Variants in FNDC1 observed in about 807,000 individuals in gnomAD.
The protein encoded by FNDC1 is fibronectin type III domain containing 1, also known as fibronectin type III domain-containing protein 1.
A neutral mutation model predicts 168.0 loss-of-function variants in FNDC1; 96 were observed. The ratio of observed to expected loss-of-function variants is 0.57; its 90% CI spans 0.48 to 0.68. FNDC1 has a LOEUF of 0.68. Among genes scored for constraint, FNDC1 ranks in the 30% least tolerant of loss-of-function variants. The pLI, the probability that FNDC1 is intolerant of heterozygous loss-of-function variation, is 0.00. For synonymous variants in FNDC1, 1,099 were observed against 1,025.9 expected (o/e 1.07, Z -1.36); for missense variants, 2,587 against 2,482.1 (o/e 1.04, Z -0.90).
At chr6:159,221,368 T>TA (rs1043961985) in intron 5 of FNDC1, among the ~76,000 whole-genome samples, 1 of 152,224 alleles carries the variant, frequency 6.6e-6, no homozygotes, top group East Asian at 1.9e-4. Context: ...GAATTACTGG[T>TA]AAAAAATCAG....
At chr6:159,228,544 C>CTT (rs151140978) in intron 9 of FNDC1, among the ~76,000 whole-genome samples, 26 of 150,998 alleles carry the variant, frequency 1.7e-4, no homozygotes, top group African/African-American at 3.4e-4. Context: ...TTGGTTGAAA[C>CTT]GTTTTTTTTT....
chr6:159,201,744 CT>C (rs1317451718), intron 4 of FNDC1, among the ~76,000 whole-genome samples: 1 of 152,216 alleles, frequency 6.6e-6, no homozygotes, highest in Non-Finnish European at 1.5e-5. Flanking sequence ...TTGTTTACCT[CT>C]GAACACACAC....
chr6:159,269,185 C>CGTATGT (rs1562315595), intron 22 of FNDC1, among the ~76,000 whole-genome samples: 5 of 124,320 alleles, frequency 4.0e-5, no homozygotes, highest in Non-Finnish European at 8.5e-5. Context: ...TGTATGTATC[C>CGTATGT]ATCCATTATC....
intron 18 of FNDC1, 90 bp from the exon 19 acceptor site, chr6:159,261,100 G>A (rs1327830068): frequency 5.4e-6 from 5 of 917,694 alleles, no homozygotes; most frequent in South Asian, 1.4e-5. Context: ...AGCCTGTCAC[G>A]GTTCAGGTGT....
Position 159,269,301 on chromosome 6 carries a change from C to CT in FNDC1, c.5569+1375_5569+1376insT, listed in dbSNP as rs1562315864. On this transcript the variant is annotated intron_variant, in intron 22 of 22. Coordinates refer to ENST00000297267, the MANE Select transcript of FNDC1 (RefSeq NM_032532.3). ...CTATCTATCTATCTATCCATCCATC[C>CT]ATCTATCCTATCTATTTATCTAACT... 6.1e-4 allele frequency among the ~76,000 whole-genome samples: 50 copies of CT among 82,144 alleles called. 2 individuals are homozygous for CT. The highest frequency in any genetic ancestry group is 1.0e-3 in the Non-Finnish European group (35 of 33,682). The allele number at this position is 82,144 out of a possible 152,430, so 53.9% of individuals were successfully genotyped here. A position where few individuals can be genotyped will look rare whatever the true frequency, so the allele number is the denominator to read the frequency against.
chr6:159,265,666 A>C (rs1285568929), intron 20 of FNDC1, among the ~76,000 whole-genome samples: 1 of 152,192 alleles, frequency 6.6e-6, no homozygotes, highest in Non-Finnish European at 1.5e-5. Flanking sequence ...GCGGTGGCTC[A>C]TTCCTGTAAT....
intron 14 of FNDC1, among the ~76,000 whole-genome samples, chr6:159,242,324 G>T (rs371776951): frequency 6.6e-6 from 1 of 152,102 alleles, no homozygotes; most frequent in Non-Finnish European, 1.5e-5. Context: ...ATACAGTGGC[G>T]CCTGTCAGAG....
chr6:159,178,324 G>A (rs1166015437), intron 1 of FNDC1, among the ~76,000 whole-genome samples: 1 of 152,218 alleles, frequency 6.6e-6, no homozygotes, highest in Non-Finnish European at 1.5e-5. Context: ...ATAGTTCACC[G>A]TGGCATACAA....
Position 159,271,482 on chromosome 6 carries a change from C to G in FNDC1, c.*40C>G, listed in dbSNP as rs1162743000. 1 of 1,486,540 alleles carries G rather than the reference C, an allele frequency of 6.7e-7. No individual in the cohort carries two copies. Among genetic ancestry groups the G allele is most frequent in the East Asian group, 2.4e-5 (1 of 42,034 alleles). 92.1% of individuals were successfully genotyped at this position (1,486,540 alleles called of 1,614,324 possible). On this transcript the variant is annotated 3_prime_UTR_variant, in exon 23 of 23. Coordinates refer to ENST00000297267, the MANE Select transcript of FNDC1 (RefSeq NM_032532.3). ...TGCTGCAAGCTTGCCCTGCCCAGCC[C>G]CACCAACTAAGTCGCACTAGGGGCT...
chr6:159,258,469 T>C (rs1777418192), intron 18 of FNDC1, among the ~76,000 whole-genome samples: 1 of 152,214 alleles, frequency 6.6e-6, no homozygotes, highest in Non-Finnish European at 1.5e-5. Context: ...TCAGTCATCC[T>C]GCAGAGAAGG....
chr6:159,233,856 C>T lies in FNDC1; in HGVS notation c.3344C>T (p.Ser1115Phe), dbSNP rs1783172541. ...ASLPKHQQVE[S>F]PTGAGAGGDH... ...CTTCCCAAGCACCAGCAGGTGGAGTCTCCCACAGGCGCAGGGGCAGGTGGC... is the reference window on the plus strand; with the variant it reads ...CTTCCCAAGCACCAGCAGGTGGAGTTTCCCACAGGCGCAGGGGCAGGTGGC... Residue 1115 changes from serine (S) to phenylalanine (F), a missense_variant, in exon 11 of 23, where the codon TCT becomes TTT. Ser to Phe is a radical substitution (Grantham distance 155). Coordinates refer to ENST00000297267, the MANE Select transcript of FNDC1 (RefSeq NM_032532.3). The surrounding 1 kb of genome is among the most constrained non-coding windows in gnomAD (Gnocchi z 4.6). 5.8e-6 allele frequency: 9 copies of T among 1,546,396 alleles called. No homozygotes were observed. Among genetic ancestry groups the T allele is most frequent in the Non-Finnish European group, 7.9e-6 (9 of 1,145,008 alleles).
At chr6:159,175,465 C>T (rs989731602) in intron 1 of FNDC1, among the ~76,000 whole-genome samples, 1 of 152,174 alleles carries the variant, frequency 6.6e-6, no homozygotes, top group African/African-American at 2.4e-5. Context: ...GTTTTCTTCT[C>T]TAGGCTGGAT....
chr6:159,221,730 A>G, intron 6 of FNDC1, 34 bp downstream of exon 6: 1 of 1,478,788 alleles, frequency 6.8e-7, no homozygotes, highest in Non-Finnish European at 9.5e-7. Context: ...GTCAAACCAT[A>G]GTCTGGTATG....
chr6:159,226,811 G>A (rs1354882531), intron 9 of FNDC1, among the ~76,000 whole-genome samples: 1 of 152,198 alleles, frequency 6.6e-6, no homozygotes, highest in Non-Finnish European at 1.5e-5. Flanking sequence ...TTGCTGTTGG[G>A]AAGGATGTTT....
intron 12 of FNDC1, among the ~76,000 whole-genome samples, chr6:159,236,707 A>G (rs181205424): frequency 6.6e-6 from 1 of 152,374 alleles, no homozygotes; most frequent in Non-Finnish European, 1.5e-5. Flanking sequence ...TAAACATTAC[A>G]CATATTTTCT....
At chr6:159,187,352 C>A (rs1009229109) in intron 1 of FNDC1, among the ~76,000 whole-genome samples, 1 of 152,186 alleles carries the variant, frequency 6.6e-6, no homozygotes, top group Admixed American at 6.5e-5. Context: ...TCTGACCTGA[C>A]AAAGCGCTGG....
rs183731245 is a variant in FNDC1, at chr6:159,176,793, G to A, written c.109+7088G>A. 4.6e-5 allele frequency among the ~76,000 whole-genome samples: 7 copies of A among 152,280 alleles called. No homozygotes were observed. The East Asian group carries it at 1.4e-3, about 29-fold the overall frequency. The stretch of plus-strand genomic sequence containing the variant: ...AGCAGCCAATCCCAGTACTGCATGA[G>A]GCTCTGGCCAGAAAGGGCCATTGAG... On this transcript the variant is annotated intron_variant, in intron 1 of 22. Transcript: ENST00000297267.
intron 5 of FNDC1, among the ~76,000 whole-genome samples, chr6:159,217,948 A>AGTC (rs1055614707): frequency 6.6e-6 from 1 of 152,124 alleles, no homozygotes; most frequent in Non-Finnish European, 1.5e-5. Context: ...TATACCCTTC[A>AGTC]GTCATTCCTT....
At chr6:159,195,069 T>C (rs1472463405) in intron 1 of FNDC1, among the ~76,000 whole-genome samples, 2 of 152,144 alleles carry the variant, frequency 1.3e-5, no homozygotes, top group African/African-American at 4.8e-5. Flanking sequence ...GATATTTGGC[T>C]TAAGGCATTT....
Sources: allele counts gnomAD v4.1 joint callset (sites outside exome capture counted in the v4.1 genomes callset), GRCh38; gene constraint gnomAD v4.1.1; non-coding constraint Gnocchi (gnomAD v3.1); transcripts MANE v1.5; gene names NCBI Gene and HGNC (gene_info 2026-07-23, HGNC 2026-07-21).